CLNK: variants seen among roughly 807,000 people sequenced by gnomAD.
The protein encoded by CLNK is cytokine-dependent hematopoietic cell linker.
Under a neutral mutation model 68.6 loss-of-function variants are expected in CLNK, and 74 were observed. The ratio of observed to expected loss-of-function variants is 1.08; its 90% CI spans 0.89 to 1.31. CLNK has a LOEUF of 1.31. CLNK is among the 50% of genes most tolerant of loss of function. The probability of loss-of-function intolerance (pLI) is 0.00; values close to 1 mark genes in which losing one functional copy is unlikely to be tolerated. For missense variants in CLNK, 553 were observed against 515.3 expected, an observed-to-expected ratio of 1.07 and a Z score of -0.71; for synonymous variants, 198 against 172.2, an observed-to-expected ratio of 1.15 and a Z score of -1.17.
chr4:10,631,642 G>A (rs1022111167), intron 2 of CLNK, among the ~76,000 whole-genome samples: 4 of 152,072 alleles, frequency 2.6e-5, no homozygotes, highest in Non-Finnish European at 4.4e-5. Context: ...TCTTTGATTC[G>A]TGTCTAATAT....
intron 2 of CLNK, among the ~76,000 whole-genome samples, chr4:10,647,135 G>A (rs1217297348): frequency 6.6e-6 from 1 of 152,138 alleles, no homozygotes; most frequent in African/African-American, 2.4e-5. Flanking sequence ...TACTAAGTGG[G>A]TCCAGTCTCT....
chr4:10,629,523 C>T (rs951889639), intron 2 of CLNK, among the ~76,000 whole-genome samples: 4 of 152,148 alleles, frequency 2.6e-5, no homozygotes, highest in Non-Finnish European at 4.4e-5. Flanking sequence ...TGGGGCAGAG[C>T]GAGGAAGTGC....
At chr4:10,702,393 A>T in the CLNK span, among the ~76,000 whole-genome samples, 2 of 152,066 alleles carry the variant, frequency 1.3e-5, no homozygotes, top group Non-Finnish European at 2.9e-5. Context: ...GGGCTGAAGG[A>T]AACACCTAAG....
chr4:10,667,593 G>C (rs1015939356), intron 2 of CLNK, among the ~76,000 whole-genome samples: 3 of 151,994 alleles, frequency 2.0e-5, no homozygotes, highest in African/African-American at 7.2e-5. Flanking sequence ...TGCCCTTCTA[G>C]CATCATGGTG....
rs114906418 is a variant in CLNK at position 10,510,432 on chromosome 4, C to T, written c.907-2396G>A. On this transcript the variant is annotated intron_variant, in intron 16 of 18. Coordinates refer to ENST00000226951, the MANE Select transcript of CLNK (RefSeq NM_052964.4). ...ACAATTTAATAGCGTGTTTTGTTTG[C>T]GTTGCAATGACTTTTTAAAAAAATT... is the stretch of plus-strand genomic sequence containing the variant. 3.2e-3 allele frequency among the ~76,000 whole-genome samples: 484 copies of T among 152,190 alleles called. 1 individual carries two copies. Among genetic ancestry groups the T allele is most frequent in the African/African-American group, 0.011 (465 of 41,524 alleles).
the CLNK span, among the ~76,000 whole-genome samples, chr4:10,691,242 C>T: frequency 0.43 from 65,376 of 151,766 alleles, 14,266 homozygotes; most frequent in Non-Finnish European, 0.47. Context: ...AATATGGGGG[C>T]ATAATATGTA....
the CLNK span, among the ~76,000 whole-genome samples, chr4:10,732,009 A>G: frequency 8.5e-5 from 13 of 152,246 alleles, no homozygotes; most frequent in African/African-American, 3.1e-4. Context: ...GCTGATTTCA[A>G]GCAATCAATA....
At chr4:10,567,029 C>T (rs1187360836) in intron 5 of CLNK, among the ~76,000 whole-genome samples, 2 of 148,736 alleles carry the variant, frequency 1.3e-5, no homozygotes, top group Admixed American at 1.4e-4. Flanking sequence ...AATAGAAATA[C>T]TTTGCAAATT....
chr4:10,699,268 C>CACACATACACACCACATATGTGTGTAT, the CLNK span, among the ~76,000 whole-genome samples: 56 of 32,406 alleles, frequency 1.7e-3, 3 homozygotes, highest in Non-Finnish European at 3.0e-3. Flanking sequence ...TGTGTATACA[C>CACACATACACACCACATATGTGTGTAT]ACACACACAC....
At chr4:10,696,888 T>C in the CLNK span, among the ~76,000 whole-genome samples, 6 of 152,228 alleles carry the variant, frequency 3.9e-5, no homozygotes, top group African/African-American at 7.2e-5. Context: ...TTGTTAAAAA[T>C]GCAGATTCCA....
intron 15 of CLNK, among the ~76,000 whole-genome samples, chr4:10,518,145 G>A (rs1164108318): frequency 6.6e-6 from 1 of 152,160 alleles, no homozygotes; most frequent in African/African-American, 2.4e-5. Flanking sequence ...CTAGCATAGT[G>A]GAGGTGCACA....
chr4:10,669,905 C>T (rs1208473833), intron 1 of CLNK, among the ~76,000 whole-genome samples: 1 of 152,102 alleles, frequency 6.6e-6, no homozygotes, highest in East Asian at 1.9e-4. Flanking sequence ...TCCATCATGG[C>T]AGTGGGGAAG....
intron 12 of CLNK, among the ~76,000 whole-genome samples, chr4:10,529,332 C>A (rs897410823): frequency 6.6e-6 from 1 of 152,150 alleles, no homozygotes; most frequent in African/African-American, 2.4e-5. Context: ...ATGTTAAAAA[C>A]AGTTGGTTTA....
intron 1 of CLNK, among the ~76,000 whole-genome samples, chr4:10,680,286 A>C (rs1321743405): frequency 1.4e-5 from 2 of 146,330 alleles, no homozygotes; most frequent in African/African-American, 5.0e-5. Flanking sequence ...CAAACACCGC[A>C]TGTTCTCACT....
chr4:10,503,409 C>A (rs994607857), intron 17 of CLNK, among the ~76,000 whole-genome samples: 2 of 151,228 alleles, frequency 1.3e-5, no homozygotes, highest in African/African-American at 4.9e-5. Flanking sequence ...TTGCAGTGAG[C>A]CGAGATCATG....
At chr4:10,734,769 C>A in the CLNK span, among the ~76,000 whole-genome samples, 1 of 152,100 alleles carries the variant, frequency 6.6e-6, no homozygotes, top group Non-Finnish European at 1.5e-5. Flanking sequence ...TCAAGGAGAG[C>A]CAGATCAGAC....
At chr4:10,688,648 A>G (rs899982083), upstream of CLNK, among the ~76,000 whole-genome samples, 4 of 152,156 alleles carry the variant, frequency 2.6e-5, no homozygotes, top group Non-Finnish European at 4.4e-5. Context: ...GTATACTACT[A>G]CTAACCTCTT....
At chr4:10,548,887 G>T (rs918343982) in intron 8 of CLNK, among the ~76,000 whole-genome samples, 1 of 152,142 alleles carries the variant, frequency 6.6e-6, no homozygotes, top group African/African-American at 2.4e-5. Flanking sequence ...TGCATGTTTG[G>T]TGTACCACTG....
intron 4 of CLNK, among the ~76,000 whole-genome samples, chr4:10,581,309 ATG>A (rs1720770057): frequency 6.6e-6 from 1 of 152,178 alleles, no homozygotes; most frequent in Non-Finnish European, 1.5e-5. Context: ...ATGACTGTGT[ATG>A]TATATATATG....
Sources: gnomAD v4.1 joint callset for allele counts (sites outside exome capture counted in the v4.1 genomes callset) on GRCh38, gnomAD v4.1.1 for gene constraint, MANE v1.5 for transcripts, NCBI Gene and HGNC (gene_info 2026-07-23, HGNC 2026-07-21) for gene names.